The following ATP2C1 variants were observed in gnomAD, a reference collection of about 807,000 sequenced individuals.
ATP2C1 encodes calcium-transporting ATPase type 2C member 1.
Under a neutral mutation model 120.5 loss-of-function variants are expected in ATP2C1, and 31 were observed. The observed-to-expected ratio is 0.26, with a 90% confidence interval of 0.19 to 0.35. ATP2C1 has a LOEUF of 0.35. ATP2C1 is among the 10% of genes least tolerant of loss of function. ATP2C1 has a pLI of 1.00. For missense variants in ATP2C1, 731 were observed against 1,107.5 expected, an observed-to-expected ratio of 0.66 and a Z score of 4.83; for synonymous variants, 351 against 358.7, an observed-to-expected ratio of 0.98 and a Z score of 0.24.
Position 130,894,822 on chromosome 3 carries a change from G to T in ATP2C1, c.6+47G>T. ...GTTGCAACGCGGAGTTGAGGGTGTG[G>T]TGGTTTGCTTTTAAGTTGTCTTTGT... On this transcript the variant is annotated intron_variant, in intron 2 of 27. Coordinates refer to ENST00000510168, the MANE Select transcript of ATP2C1 (RefSeq NM_001378687.1). This position sits in a 1 kb window ranked among gnomAD's most constrained non-coding sequence, Gnocchi z 4.5. The T allele has an allele frequency of 1.3e-6, 2 of 1,564,736 alleles. No individual in the cohort carries two copies. The highest frequency in any genetic ancestry group is 4.5e-5 in the East Asian group (2 of 44,670).
At chr3:131,000,738 TTTTTC>T (rs1228514045) in intron 27 of ATP2C1, among the ~76,000 whole-genome samples, 1 of 152,200 alleles carries the variant, frequency 6.6e-6, no homozygotes, top group Non-Finnish European at 1.5e-5. Context: ...TTAATATCTT[TTTTTC>T]TTTTCTTATT....
intron 12 of ATP2C1, among the ~76,000 whole-genome samples, chr3:130,962,271 G>A (rs2060853316): frequency 6.6e-6 from 1 of 151,954 alleles, no homozygotes; most frequent in South Asian, 2.1e-4. Context: ...ATCTAAAATT[G>A]AAAATGTTTT....
chr3:130,892,622 C>T (rs1317727026), upstream of ATP2C1, among the ~76,000 whole-genome samples: 1 of 150,244 alleles, frequency 6.7e-6, no homozygotes, highest in Non-Finnish European at 1.5e-5. Flanking sequence ...TATAGAAGCA[C>T]AGGCAACCCC....
At chr3:130,879,568 A>G (rs2068717983) in intron 1 of ATP2C1, among the ~76,000 whole-genome samples, 1 of 152,138 alleles carries the variant, frequency 6.6e-6, no homozygotes, top group African/African-American at 2.4e-5. Flanking sequence ...CTACTGAAGA[A>G]TTACCGTTGT....
chr3:130,889,863 CTTG>C (rs2069112366), upstream of ATP2C1, among the ~76,000 whole-genome samples: 1 of 151,952 alleles, frequency 6.6e-6, no homozygotes, highest in South Asian at 2.1e-4. Flanking sequence ...CAAGCCTGGT[CTTG>C]AACTCCTGGG....
rs774202362 is a variant in ATP2C1, at chr3:130,932,126, G to A, written c.222G>A (p.Lys74=). 3.1e-6 allele frequency: 5 copies of A among 1,598,364 alleles called. No homozygotes were observed. In the Admixed American group the frequency reaches 6.7e-5, roughly 21 times the overall value. The change falls in exon 4 of 28, where the codon AAG becomes AAA. Residue 74 remains lysine (K), a synonymous_variant. Coordinates refer to ENST00000510168, the MANE Select transcript of ATP2C1 (RefSeq NM_001378687.1). ...DISEDEPLWK[K]YISQFKNPLI... Reference sequence around the variant, plus strand: ...GTGAAGATGAGCCACTGTGGAAGAAGTATATTTCTCAGGTGAGATACTTTT... The same window carrying A: ...GTGAAGATGAGCCACTGTGGAAGAAATATATTTCTCAGGTGAGATACTTTT...
At chr3:130,917,279 T>C (rs1019153869) in intron 2 of ATP2C1, among the ~76,000 whole-genome samples, 1 of 152,256 alleles carries the variant, frequency 6.6e-6, no homozygotes, top group Non-Finnish European at 1.5e-5. Flanking sequence ...TTTCAACTTA[T>C]GATGGATTTG....
At chr3:130,904,387 T>G (rs1346176798) in intron 2 of ATP2C1, among the ~76,000 whole-genome samples, 6 of 152,028 alleles carry the variant, frequency 3.9e-5, no homozygotes, top group African/African-American at 1.4e-4. Context: ...CTGACACTTT[T>G]GAAGAGTACT....
chr3:130,996,550 AAT>A, intron 23 of ATP2C1, 128 bp from the exon 24 acceptor site: 2 of 737,008 alleles, frequency 2.7e-6, no homozygotes, highest in East Asian at 5.0e-5. Flanking sequence ...GTGACTGAAG[AAT>A]AGTTTACTTG....
intron 7 of ATP2C1, among the ~76,000 whole-genome samples, chr3:130,941,252 G>GTCTGTGTC (rs1553764218): frequency 6.9e-6 from 1 of 144,274 alleles, no homozygotes; most frequent in Non-Finnish European, 1.5e-5. Flanking sequence ...GTGTGTGTGT[G>GTCTGTGTC]TGTGTGTGTG....
downstream of ATP2C1, among the ~76,000 whole-genome samples, chr3:131,003,623 A>G (rs1014187834): frequency 4.6e-5 from 7 of 152,208 alleles, no homozygotes; most frequent in South Asian, 6.2e-4. Flanking sequence ...CATGACCCAG[A>G]GATGAAACAA....
chr3:130,993,456 C>T (rs1278830861), intron 21 of ATP2C1, among the ~76,000 whole-genome samples: 3 of 152,128 alleles, frequency 2.0e-5, no homozygotes, highest in African/African-American at 7.2e-5. Context: ...TTATGATAGC[C>T]AGCCATTGTG....
At chr3:130,998,159 A>G (rs2062719977) in intron 25 of ATP2C1, 135 bp from the exon 26 acceptor site, 1 of 682,826 alleles carries the variant, frequency 1.5e-6, no homozygotes, top group African/African-American at 1.8e-5. Context: ...AAATTTAGGT[A>G]GCTTTTATGT....
In ATP2C1 at chr3:131,001,245, C is replaced by A; in HGVS notation, c.2655C>A (p.Thr885=). 6.2e-7 allele frequency: 1 copy of A among 1,613,654 alleles called. No individual in the cohort carries two copies. The highest frequency in any genetic ancestry group is 2.2e-5 in the East Asian group (1 of 44,830). ...ATCTGTTGTTTCTTTTGGGTCTCAC[C>A]TCATCAGTGTGCATAGTGGCAGAAA... The part of the protein sequence containing the change: ...ILDLLFLLGL[T]SSVCIVAEII... Residue 885 remains threonine, a synonymous_variant, in exon 28 of 28, where the codon ACC becomes ACA. Transcript: ENST00000510168.
rs553036359 is a variant in ATP2C1, at chr3:130,874,122, GA to G, written c.108+23201del. 7.2e-3 allele frequency among the ~76,000 whole-genome samples: 1,062 copies of G among 146,650 alleles called. 11 individuals carry two copies. Among genetic ancestry groups the G allele is most frequent in the African/African-American group, 0.026 (997 of 39,012 alleles). ...GAGACTCTGTCTCAAAAAAAAAAAA[GA>G]AAAAAAGAAAAAGAAAAGATAAGAA... is the stretch of plus-strand genomic sequence containing the variant. On this transcript the variant is annotated intron_variant, in intron 1 of 26. Coordinates refer to the ATP2C1 transcript ENST00000504381.
At chr3:130,949,404 T>A (rs1368006700) in intron 8 of ATP2C1, among the ~76,000 whole-genome samples, 4 of 152,116 alleles carry the variant, frequency 2.6e-5, no homozygotes, top group Admixed American at 1.3e-4. Context: ...TTCAGTTCTG[T>A]GAAGGCCGAG....
intron 21 of ATP2C1, 86 bp from the exon 22 acceptor site, chr3:130,993,846 A>G (rs545472384): frequency 7.3e-7 from 1 of 1,364,918 alleles, no homozygotes; most frequent in South Asian, 1.2e-5. Flanking sequence ...TGTGAAAAAA[A>G]TAGGGAGGAT....
At chr3:130,897,931 C>T (rs760300713) in intron 2 of ATP2C1, among the ~76,000 whole-genome samples, 7 of 152,154 alleles carry the variant, frequency 4.6e-5, no homozygotes, top group Non-Finnish European at 7.4e-5. Flanking sequence ...CAAATCTAAA[C>T]AGATCCCGCT....
At chr3:130,993,078 C>T in intron 21 of ATP2C1, 77 bp downstream of exon 21, 2 of 1,279,466 alleles carry the variant, frequency 1.6e-6, no homozygotes, top group Non-Finnish European at 2.3e-6. Flanking sequence ...GTTTGCATTA[C>T]AGGGAGTAGA....
Sources: gnomAD v4.1 joint callset for allele counts (sites outside exome capture counted in the v4.1 genomes callset) on GRCh38, gnomAD v4.1.1 for gene constraint, Gnocchi (gnomAD v3.1) non-coding constraint, MANE v1.5 for transcripts, NCBI Gene and HGNC (gene_info 2026-07-23, HGNC 2026-07-21) for gene names.